RNF19B: variants seen among roughly 807,000 people sequenced by gnomAD.
RNF19B encodes E3 ubiquitin-protein ligase RNF19B.
In RNF19B, 23 loss-of-function variants were observed where a neutral mutation model predicts 65.5. That is an observed-to-expected ratio of 0.35 (90% CI 0.25 to 0.50). The LOEUF (loss-of-function observed/expected upper bound fraction) is 0.50, where lower values mean the gene tolerates loss of function less well. Ranked by LOEUF, RNF19B falls within the 20% of genes least tolerant of loss-of-function variation. The pLI is 0.98. For synonymous variants in RNF19B, 372 were observed against 379.6 expected (o/e 0.98, Z 0.23); for missense variants, 794 against 980.0 (o/e 0.81, Z 2.53).
intron 1 of RNF19B, among the ~76,000 whole-genome samples, chr1:32,960,246 C>T (rs1192717762): frequency 6.6e-6 from 1 of 152,094 alleles, no homozygotes; most frequent in Non-Finnish European, 1.5e-5. Flanking sequence ...TATAGTAAAA[C>T]TAATGATCAG....
At position 32,964,280 on chromosome 1, in the gene RNF19B, TGAG is replaced by T; in HGVS notation, c.403_405del (p.Leu135del). The T allele has an allele frequency of 6.5e-7, 1 of 1,530,170 alleles. No individual in the cohort carries two copies. Among genetic ancestry groups the T allele is most frequent in the Non-Finnish European group, 8.8e-7 (1 of 1,141,262 alleles). 94.8% of individuals were successfully genotyped at this position (1,530,170 alleles called of 1,614,324 possible). On this transcript the variant is annotated inframe_deletion, in exon 1 of 9. Coordinates refer to ENST00000235150, the MANE Select transcript of RNF19B (RefSeq NM_001300826.2). The surrounding 1 kb of genome is among the most constrained non-coding windows in gnomAD (Gnocchi z 6.5). ...TCCCGGCACGAGCGGTGCGGACAGC[TGAG>T]GAGGCGCGGGGCCCGCTCAGGCGGC...
At position 32,945,637 on chromosome 1, in the gene RNF19B, A is replaced by G. The variant is rs1432554631; in HGVS notation, c.1147-9T>C. On this transcript the variant is annotated splice_polypyrimidine_tract_variant and intron_variant, in intron 4 of 8. Coordinates refer to ENST00000235150, the MANE Select transcript of RNF19B (RefSeq NM_001300826.2). ...TCATACCTGCTGTGAATCTAAGAAT[A>G]AAAAAAGAAAATCCAGGTCAGCAGG... The G allele has an allele frequency of 6.5e-7, 1 of 1,546,150 alleles. No individual in the cohort carries two copies. Among genetic ancestry groups the G allele is most frequent in the Non-Finnish European group, 8.9e-7 (1 of 1,118,808 alleles).
intron 1 of RNF19B, among the ~76,000 whole-genome samples, chr1:32,955,346 A>G (rs947640061): frequency 9.9e-5 from 15 of 152,072 alleles, no homozygotes; most frequent in African/African-American, 3.4e-4. Flanking sequence ...GCCAGGTACT[A>G]TAACCTAATC....
In RNF19B at chr1:32,937,096, A is replaced by AG; in HGVS notation, c.1905dup (p.Cys636LeufsTer7). On this transcript the variant is annotated frameshift_variant, in exon 9 of 9. Coordinates refer to ENST00000235150, the MANE Select transcript of RNF19B (RefSeq NM_001300826.2). LOFTEE classifies it high-confidence loss of function. ...TTCTGTTCACAGCTTTGGTGTCTGCAGGGGGGATCCTCTTCACTGCCTCCG... is the reference window on the plus strand; with the variant it reads ...TTCTGTTCACAGCTTTGGTGTCTGCAGGGGGGGATCCTCTTCACTGCCTCCG... 3 of 1,614,152 alleles carry AG rather than the reference A, an allele frequency of 1.9e-6. No individual in the cohort carries two copies. Among genetic ancestry groups the AG allele is most frequent in the Non-Finnish European group, 2.5e-6 (3 of 1,180,032 alleles).
chr1:32,949,488 C>T, intron 2 of RNF19B, 81 bp downstream of exon 2: 1 of 1,234,704 alleles, frequency 8.1e-7, no homozygotes, highest in Admixed American at 1.8e-5. Context: ...TTGGGTTATA[C>T]AATAAGATAA....
chr1:32,964,393 T>TCCG lies in RNF19B; in HGVS notation c.290_292dup (p.Ala97dup), dbSNP rs758420437. 6.9e-4 allele frequency: 900 copies of TCCG among 1,304,732 alleles called. 4 individuals carry two copies. The highest frequency in any genetic ancestry group is 2.5e-3 in the East Asian group (80 of 32,008). The allele number at this position is 1,304,732 out of a possible 1,614,324, so 80.8% of individuals were successfully genotyped here. Reference sequence around the variant, plus strand: ...CGCCTCCTCATCGTCGAACCCAGGCTCCGCCGCCGCCGCCGCGGCCTCCGC... The same window carrying TCCG: ...CGCCTCCTCATCGTCGAACCCAGGCTCCGCCGCCGCCGCCGCCGCGGCCTCCGC... On this transcript the variant is annotated inframe_insertion, in exon 1 of 9. Coordinates refer to ENST00000235150, the MANE Select transcript of RNF19B (RefSeq NM_001300826.2). The surrounding 1 kb of genome is among the most constrained non-coding windows in gnomAD (Gnocchi z 6.5).
intron 7 of RNF19B, among the ~76,000 whole-genome samples, chr1:32,939,717 A>G (rs7526061): frequency 0.023 from 3,553 of 152,322 alleles, 141 homozygotes; most frequent in African/African-American, 0.08. Flanking sequence ...CTTGGCTCCA[A>G]CATCACTTTG....
chr1:32,934,053 C>A (rs1642060499), downstream of RNF19B, among the ~76,000 whole-genome samples: 1 of 152,184 alleles, frequency 6.6e-6, no homozygotes. Context: ...AGGCTGTCTG[C>A]CTCTTTTTCC....
At chr1:32,940,943 G>A (rs1557565684) in intron 7 of RNF19B, among the ~76,000 whole-genome samples, 1 of 152,230 alleles carries the variant, frequency 6.6e-6, no homozygotes, top group Non-Finnish European at 1.5e-5. Context: ...CACTAAACCA[G>A]CTGGGGGCAA....
At chr1:32,937,453 T>A in intron 8 of RNF19B, 194 bp from the exon 9 acceptor site, 1 of 884,466 alleles carries the variant, frequency 1.1e-6, no homozygotes, top group Non-Finnish European at 1.7e-6. Context: ...GGCTCATGCC[T>A]ATAACCCCAG....
rs562171436 is a variant in RNF19B, at chr1:32,937,360, A to G, written c.1743-101T>C. 1.1e-4 allele frequency: 169 copies of G among 1,565,612 alleles called. 3 individuals carry two copies. The South Asian group carries it at 1.8e-3, about 16-fold the overall frequency. ...TCAGGATTAGGAATTTCAAAAAGAT[A>G]GGTGAACAGTTAACTAGAGCTCACT... On this transcript the variant is annotated intron_variant, in intron 8 of 8. Coordinates refer to ENST00000235150, the MANE Select transcript of RNF19B (RefSeq NM_001300826.2).
chr1:32,960,459 A>G (rs1441319115), intron 1 of RNF19B, among the ~76,000 whole-genome samples: 1 of 152,112 alleles, frequency 6.6e-6, no homozygotes, highest in African/African-American at 2.4e-5. Flanking sequence ...AGAAGAATAG[A>G]ACGATTTGTT....
intron 1 of RNF19B, among the ~76,000 whole-genome samples, chr1:32,954,212 C>T (rs1642580374): frequency 1.3e-5 from 2 of 150,862 alleles, no homozygotes; most frequent in Admixed American, 1.3e-4. Context: ...GTGCCCAGCC[C>T]ACTTTTTTTT....
intron 7 of RNF19B, among the ~76,000 whole-genome samples, chr1:32,939,737 T>G (rs951715553): frequency 8.5e-5 from 13 of 152,348 alleles, no homozygotes; most frequent in African/African-American, 2.9e-4. Context: ...GTTGCACAGT[T>G]AAGTATTTCC....
At chr1:32,934,706 T>C (rs1361777759), downstream of RNF19B, among the ~76,000 whole-genome samples, 2 of 151,926 alleles carry the variant, frequency 1.3e-5, no homozygotes, top group African/African-American at 4.8e-5. Flanking sequence ...GATCTGAAAG[T>C]TGGGGAAGTT....
At chr1:32,947,364 T>C (rs189208643) in intron 3 of RNF19B, among the ~76,000 whole-genome samples, 1 of 152,338 alleles carries the variant, frequency 6.6e-6, no homozygotes, top group Admixed American at 6.5e-5. Context: ...AACATTTTAA[T>C]ATTCACTCAA....
At chr1:32,944,751 C>T (rs944489535) in intron 5 of RNF19B, among the ~76,000 whole-genome samples, 27 of 151,816 alleles carry the variant, frequency 1.8e-4, no homozygotes, top group Admixed American at 2.6e-4. Flanking sequence ...TGCAGTGGCA[C>T]GATCTCGGCT....
At chr1:32,930,411 ATTT>A in the RNF19B span, among the ~76,000 whole-genome samples, 2 of 126,026 alleles carry the variant, frequency 1.6e-5, no homozygotes, top group African/African-American at 6.1e-5. Flanking sequence ...TGCCCGGCTG[ATTT>A]TTTTTTTTTG....
intron 1 of RNF19B, among the ~76,000 whole-genome samples, chr1:32,960,373 G>T (rs1642741105): frequency 6.6e-6 from 1 of 152,158 alleles, no homozygotes; most frequent in South Asian, 2.1e-4. Context: ...CAGTAAAGAT[G>T]GTCAGGTATG....
Sources: allele counts gnomAD v4.1 joint callset (sites outside exome capture counted in the v4.1 genomes callset), GRCh38; gene constraint gnomAD v4.1.1; non-coding constraint Gnocchi (gnomAD v3.1); transcripts MANE v1.5; gene names NCBI Gene and HGNC (gene_info 2026-07-23, HGNC 2026-07-21).